The following GLI2 variants were observed in gnomAD, a reference collection of about 807,000 sequenced individuals.
GLI2 encodes the protein GLI family zinc finger 2.
Under a neutral mutation model 78.9 loss-of-function variants are expected in GLI2, and 22 were observed. That is an observed-to-expected ratio of 0.28 (90% confidence interval 0.20 to 0.40). GLI2 has a LOEUF of 0.40. Among genes scored for constraint, GLI2 ranks in the 10% least tolerant of loss-of-function variants. The pLI, the probability that GLI2 is intolerant of heterozygous loss-of-function variation, is 1.00. For synonymous variants in GLI2, 974 were observed against 963.7 expected, an observed-to-expected ratio of 1.01 and a Z score of -0.20; for missense variants, 2,097 against 2,213.2, an observed-to-expected ratio of 0.95 and a Z score of 1.05.
chr2:120,958,879 A>G (rs1053432698), intron 5 of GLI2, among the ~76,000 whole-genome samples: 1 of 152,200 alleles, frequency 6.6e-6, no homozygotes. Context: ...CTCCTTACGT[A>G]TGGCCGATGG....
intron 1 of GLI2, among the ~76,000 whole-genome samples, chr2:120,745,175 CAA>C (rs1205575960): frequency 3.3e-5 from 5 of 152,140 alleles, no homozygotes; most frequent in African/African-American, 7.2e-5. Context: ...CCAAGAGAAA[CAA>C]GAGAGTATAT....
At chr2:120,917,834 A>G (rs1381241439) in intron 2 of GLI2, among the ~76,000 whole-genome samples, 2 of 152,088 alleles carry the variant, frequency 1.3e-5, no homozygotes, top group African/African-American at 4.8e-5. Context: ...CTCCCAGACC[A>G]CCTTGCAAGT....
At chr2:120,913,939 G>T (rs1164599736) in intron 2 of GLI2, among the ~76,000 whole-genome samples, 1 of 152,238 alleles carries the variant, frequency 6.6e-6, no homozygotes, top group Non-Finnish European at 1.5e-5. Context: ...TGCAAAGCTG[G>T]GACTTGATGC....
intron 1 of GLI2, among the ~76,000 whole-genome samples, chr2:120,758,730 C>A (rs1236769281): frequency 6.6e-6 from 1 of 152,194 alleles, no homozygotes; most frequent in Admixed American, 6.5e-5. Flanking sequence ...CCTTGGCTTG[C>A]GGGTGAGGGC....
intron 2 of GLI2, among the ~76,000 whole-genome samples, chr2:120,864,041 A>C (rs1239408950): frequency 1.3e-5 from 2 of 152,136 alleles, no homozygotes; most frequent in African/African-American, 4.8e-5. Context: ...CAGTCACTGG[A>C]CTTAGAGGTT....
chr2:120,791,963 G>T (rs796494976), intron 1 of GLI2, among the ~76,000 whole-genome samples: 2 of 152,150 alleles, frequency 1.3e-5, no homozygotes, highest in Admixed American at 1.3e-4. Context: ...GCCTATGCGT[G>T]TGGGTCCTGG....
chr2:120,980,007 T>C (rs760867092), intron 10 of GLI2, among the ~76,000 whole-genome samples: 5 of 152,246 alleles, frequency 3.3e-5, no homozygotes, highest in Non-Finnish European at 7.3e-5. Flanking sequence ...AATACTCCAT[T>C]GTATGGATAG....
At chr2:120,783,935 A>G (rs991168246) in intron 1 of GLI2, among the ~76,000 whole-genome samples, 2 of 152,190 alleles carry the variant, frequency 1.3e-5, no homozygotes, top group African/African-American at 2.4e-5. Context: ...TGTTTAGCCA[A>G]TGAGATCTGA....
chr2:120,950,016 C>A (rs910346007), intron 3 of GLI2, among the ~76,000 whole-genome samples: 1 of 152,224 alleles, frequency 6.6e-6, no homozygotes, highest in East Asian at 1.9e-4. Flanking sequence ...GCCTCCCGGG[C>A]AATGCTAGGT....
intron 2 of GLI2, among the ~76,000 whole-genome samples, chr2:120,847,751 G>C (rs1220438245): frequency 6.7e-6 from 1 of 149,846 alleles, no homozygotes; most frequent in Non-Finnish European, 1.5e-5. Flanking sequence ...GGCTGCGTGG[G>C]GGGCAGGGGC....
At chr2:120,958,125 G>GTGGTAGC (rs1206561433) in intron 5 of GLI2, among the ~76,000 whole-genome samples, 1 of 152,172 alleles carries the variant, frequency 6.6e-6, no homozygotes, top group South Asian at 2.1e-4. Flanking sequence ...TGTCCTCCCT[G>GTGGTAGC]TGGTAGCTGG....
chr2:120,854,989 C>T (rs2104620025), intron 2 of GLI2, among the ~76,000 whole-genome samples: 1 of 152,320 alleles, frequency 6.6e-6, no homozygotes, highest in South Asian at 2.1e-4. Context: ...TGGCAGGAGC[C>T]CTGCACACCC....
intron 2 of GLI2, among the ~76,000 whole-genome samples, chr2:120,833,030 A>G (rs2104772340): frequency 6.6e-6 from 1 of 152,096 alleles, no homozygotes; most frequent in Admixed American, 6.5e-5. Context: ...GCCCAGGGAC[A>G]TGGCTGCCCA....
At chr2:120,790,784 G>T (rs1484113944) in intron 1 of GLI2, among the ~76,000 whole-genome samples, 1 of 152,180 alleles carries the variant, frequency 6.6e-6, no homozygotes, top group Non-Finnish European at 1.5e-5. Flanking sequence ...GTGATGGGAA[G>T]GTGGACAGAG....
At chr2:120,742,358 A>G (rs1423780750) in intron 1 of GLI2, among the ~76,000 whole-genome samples, 2 of 152,154 alleles carry the variant, frequency 1.3e-5, no homozygotes, top group African/African-American at 2.4e-5. Context: ...GACGCTTAGC[A>G]ATGCTTCTTT....
At position 120,988,292 on chromosome 2, in the gene GLI2, C is replaced by A; in HGVS notation, c.2327C>A (p.Ala776Glu). The change falls in exon 14 of 14, where the codon GCG becomes GAG. Residue 776 changes from alanine (A) to glutamate (E), a missense_variant. Ala to Glu is a moderately radical substitution (Grantham distance 107). This residue lies in a region of GLI2 where 1,290 missense variants were observed against 1,261.7 expected (regional missense o/e 1.02). Coordinates refer to ENST00000361492, the MANE Select transcript of GLI2 (RefSeq NM_001374353.1). ...AACCCGCGGCTGTCGGAGCTGTCCGCGAGCGAGGTGACCATGCTGAGCCAG... is the reference window on the plus strand; with the variant it reads ...AACCCGCGGCTGTCGGAGCTGTCCGAGAGCGAGGTGACCATGCTGAGCCAG... ...LPNPRLSELS[A>E]SEVTMLSQLQ... 2 of 1,564,806 alleles carry A rather than the reference C, an allele frequency of 1.3e-6. No homozygotes were observed. Among genetic ancestry groups the A allele is most frequent in the Non-Finnish European group, 1.7e-6 (2 of 1,160,594 alleles).
chr2:120,976,336 G>A (rs931361184), intron 9 of GLI2, among the ~76,000 whole-genome samples: 1 of 152,190 alleles, frequency 6.6e-6, no homozygotes, highest in Non-Finnish European at 1.5e-5. Context: ...CACAAATACC[G>A]TAGGTTTCTT....
Position 120,990,148 on chromosome 2 carries a change from A to G in GLI2, c.4183A>G (p.Thr1395Ala), listed in dbSNP as rs760060026. 6.2e-7 allele frequency: 1 copy of G among 1,610,108 alleles called. No individual in the cohort carries two copies. Among genetic ancestry groups the G allele is most frequent in the Non-Finnish European group, 8.5e-7 (1 of 1,177,706 alleles). The change falls in exon 14 of 14, where the codon ACA becomes GCA. Residue 1395 changes from threonine (T) to alanine (A), a missense_variant. Thr to Ala is a moderately conservative substitution (Grantham distance 58). Transcript: ENST00000361492. ...GGCTGCCATGCCGTCCAGTCAGGAA[A>G]CAGCAGAGGCTGTGCCCAAGGGAGC... ...AMAAMPSSQE[T>A]AEAVPKGAMG...
intron 2 of GLI2, among the ~76,000 whole-genome samples, chr2:120,907,546 C>T (rs1046375488): frequency 6.6e-6 from 1 of 152,166 alleles, no homozygotes; most frequent in Admixed American, 6.5e-5. Context: ...GTTATTCAGC[C>T]GGGCTGTGTA....
Sources: gnomAD v4.1 joint callset for allele counts (sites outside exome capture counted in the v4.1 genomes callset) on GRCh38, gnomAD v4.1.1 for gene constraint, gnomAD v4.1.1 regional missense constraint, MANE v1.5 for transcripts, NCBI Gene and HGNC (gene_info 2026-07-23, HGNC 2026-07-21) for gene names.